The following GPR107 variants were observed in gnomAD, a reference collection of about 807,000 sequenced individuals.
GPR107 encodes the protein G protein-coupled receptor 107.
Under a neutral mutation model 75.5 loss-of-function variants are expected in GPR107, and 31 were observed. That is an observed-to-expected ratio of 0.41 (90% confidence interval 0.31 to 0.55). The LOEUF is 0.55. Ranked by LOEUF, GPR107 falls within the 20% of genes least tolerant of loss-of-function variation. GPR107 has a pLI of 0.26. For synonymous variants in GPR107, 267 were observed against 251.3 expected (o/e 1.06, Z -0.59); for missense variants, 572 against 665.7 (o/e 0.86, Z 1.55).
intron 1 of GPR107, among the ~76,000 whole-genome samples, chr9:130,061,893 C>T (rs1448105911): frequency 1.3e-5 from 2 of 151,340 alleles, no homozygotes; most frequent in Admixed American, 6.6e-5. Context: ...GCCAGTGAGC[C>T]GAGATTGCAC....
At chr9:130,110,356 T>A in intron 14 of GPR107, 1 of 1,498,896 alleles carries the variant, frequency 6.7e-7, no homozygotes, top group Non-Finnish European at 9.1e-7. Flanking sequence ...CAGTTTCTCA[T>A]TTTTTTCCAC....
intron 5 of GPR107, among the ~76,000 whole-genome samples, chr9:130,082,470 A>G (rs2132573500): frequency 8.4e-6 from 1 of 119,214 alleles, no homozygotes; most frequent in South Asian, 2.9e-4. Context: ...CCCAAAAAGA[A>G]TATCTTTTTT....
At chr9:130,069,984 C>CTTTTTTTTTTT (rs1045979986) in intron 1 of GPR107, among the ~76,000 whole-genome samples, 867 of 44,644 alleles carry the variant, frequency 0.019, 33 homozygotes, top group Non-Finnish European at 0.026. Context: ...TGCCTGGCCT[C>CTTTTTTTTTTT]TTTTTTTTTT....
intron 1 of GPR107, among the ~76,000 whole-genome samples, chr9:130,067,752 C>CTTT (rs11409264): frequency 0.011 from 1,272 of 116,762 alleles, 16 homozygotes; most frequent in Non-Finnish European, 0.016. Context: ...CCACCGCCCC[C>CTTT]TTTTTTTTTT....
At chr9:130,133,671 C>T (rs1003415) in intron 17 of GPR107, among the ~76,000 whole-genome samples, 68,815 of 152,104 alleles carry the variant, frequency 0.45, 16,574 homozygotes, top group Non-Finnish European at 0.54. Context: ...TGACGCTGGG[C>T]GGCTTCAGCT....
intron 8 of GPR107, among the ~76,000 whole-genome samples, 173 bp from the exon 9 acceptor site, chr9:130,092,075 C>T (rs1830752287): frequency 6.6e-6 from 1 of 151,790 alleles, no homozygotes; most frequent in Admixed American, 6.6e-5. Context: ...CTCAGGTGAT[C>T]GTGATCCACC....
At chr9:130,082,596 C>T (rs1204220392) in intron 5 of GPR107, among the ~76,000 whole-genome samples, 1 of 151,148 alleles carries the variant, frequency 6.6e-6, no homozygotes, top group Non-Finnish European at 1.5e-5. Flanking sequence ...TCTCCTGCCT[C>T]AGCCTCCCGA....
chr9:130,068,594 T>TGA (rs775301175), intron 1 of GPR107, among the ~76,000 whole-genome samples: 24 of 152,194 alleles, frequency 1.6e-4, no homozygotes, highest in Non-Finnish European at 3.2e-4. Flanking sequence ...TGAGGTATCA[T>TGA]TACTCTATTT....
At chr9:130,089,610 G>A (rs186054449) in intron 7 of GPR107, among the ~76,000 whole-genome samples, 1 of 152,214 alleles carries the variant, frequency 6.6e-6, no homozygotes, top group Admixed American at 6.5e-5. Context: ...TGCCTACTCT[G>A]ATCAACTATG....
At chr9:130,106,648 T>C (rs185388265) in intron 13 of GPR107, among the ~76,000 whole-genome samples, 2 of 151,498 alleles carry the variant, frequency 1.3e-5, no homozygotes, top group African/African-American at 2.4e-5. Flanking sequence ...TACTTGTAAA[T>C]ATCCCGATTC....
chr9:130,101,230 G>C lies in GPR107; in HGVS notation c.1131+7G>C, dbSNP rs376743483. ...GATTGTCATTCCACTCCAGGTAAAA[G>C]AACCCTCATCCCATTTGTCACTTCC... On this transcript the variant is annotated splice_region_variant and intron_variant, in intron 12 of 17. Coordinates refer to ENST00000347136, the MANE Select transcript of GPR107 (RefSeq NM_020960.5). The C allele has an allele frequency of 7.3e-6, 10 of 1,365,878 alleles. No individual in the cohort carries two copies. The highest frequency in any genetic ancestry group is 1.0e-5 in the Non-Finnish European group (10 of 953,316). The allele number at this position is 1,365,878 out of a possible 1,614,324, so 84.6% of individuals were successfully genotyped here. A position where few individuals can be genotyped will look rare whatever the true frequency, so the allele number is the denominator to read the frequency against.
intron 16 of GPR107, 132 bp from the exon 17 acceptor site, chr9:130,128,508 G>T: frequency 1.3e-6 from 1 of 766,248 alleles, no homozygotes; most frequent in South Asian, 1.6e-5. Flanking sequence ...CCCTGTAGCA[G>T]GAAGTGGCAT....
intron 1 of GPR107, among the ~76,000 whole-genome samples, chr9:130,071,552 C>G (rs1278181112): frequency 6.6e-6 from 1 of 152,052 alleles, no homozygotes; most frequent in Non-Finnish European, 1.5e-5. Context: ...CTTCTCTTAA[C>G]CACACTGAGC....
At chr9:130,125,090 C>T (rs201854744) in intron 15 of GPR107, 126 bp downstream of exon 15, 880 of 157,984 alleles carry the variant, frequency 5.6e-3, no homozygotes, top group South Asian at 0.015. Context: ...GTGTGGCTTG[C>T]TTTTTTTTTT....
intron 10 of GPR107, among the ~76,000 whole-genome samples, chr9:130,100,043 C>T (rs1385943147): frequency 3.3e-5 from 5 of 151,588 alleles, no homozygotes; most frequent in South Asian, 2.1e-4. Flanking sequence ...TACAGGCGCC[C>T]GCCACCACGC....
rs1831986374 is a variant in GPR107 at position 130,137,379 on chromosome 9, A to G, written c.*2258A>G. 1 of 152,292 alleles carries G rather than the reference A, an allele frequency of 6.6e-6. No individual in the cohort carries two copies. The highest frequency in any genetic ancestry group is 1.5e-5 in the Non-Finnish European group (1 of 68,072). 9.4% of individuals were successfully genotyped at this position (152,292 alleles called of 1,614,324 possible). A position where few individuals can be genotyped will look rare whatever the true frequency, so the allele number is the denominator to read the frequency against. On this transcript the variant is annotated 3_prime_UTR_variant, in exon 18 of 18. Coordinates refer to ENST00000347136, the MANE Select transcript of GPR107 (RefSeq NM_020960.5). ...GCGTATGTCTGGGCTCACTCACAGC[A>G]TGGCCGAGTGTCTGCAGTGCTGGTC...
chr9:130,080,471 G>GTTTGTTTA (rs141234005), intron 5 of GPR107, among the ~76,000 whole-genome samples: 83 of 146,690 alleles, frequency 5.7e-4, no homozygotes, highest in African/African-American at 7.7e-4. Flanking sequence ...AGGTATTCCT[G>GTTTGTTTA]TTTATTTATT....
intron 14 of GPR107, among the ~76,000 whole-genome samples, chr9:130,124,466 C>T (rs1409067368): frequency 6.6e-6 from 1 of 152,204 alleles, no homozygotes; most frequent in Admixed American, 6.5e-5. Context: ...AATTTACACC[C>T]TCAGCTAGTG....
At chr9:130,077,933 A>G (rs1830396235) in intron 4 of GPR107, among the ~76,000 whole-genome samples, 1 of 152,190 alleles carries the variant, frequency 6.6e-6, no homozygotes, top group South Asian at 2.1e-4. Flanking sequence ...TGGGAGGCCG[A>G]GGCGGACGGA....
Sources: gnomAD v4.1 joint callset for allele counts (sites outside exome capture counted in the v4.1 genomes callset) on GRCh38, gnomAD v4.1.1 for gene constraint, MANE v1.5 for transcripts, NCBI Gene and HGNC (gene_info 2026-07-23, HGNC 2026-07-21) for gene names.